Variants in FAIM2 observed in about 807,000 individuals in gnomAD.
FAIM2 encodes Fas apoptotic inhibitory molecule 2, also known as protein lifeguard 2.
In FAIM2, 27 loss-of-function variants were observed where a neutral mutation model predicts 47.4. The ratio of observed to expected loss-of-function variants is 0.57; its 90% CI spans 0.42 to 0.78. The LOEUF (loss-of-function observed/expected upper bound fraction) is 0.78. Ranked by LOEUF, FAIM2 falls within the 30% of genes least tolerant of loss-of-function variation. The pLI is 0.00. For missense variants in FAIM2, 311 were observed against 389.4 expected (o/e 0.80, Z 1.69); for synonymous variants, 156 against 159.3 (o/e 0.98, Z 0.16).
At chr12:49,880,533 CGT>C (rs575126224) in intron 11 of FAIM2, among the ~76,000 whole-genome samples, 6 of 97,810 alleles carry the variant, frequency 6.1e-5, no homozygotes, top group East Asian at 3.2e-4. Flanking sequence ...TGTATATGTG[CGT>C]GTGTATGTAT....
intron 5 of FAIM2, among the ~76,000 whole-genome samples, chr12:49,893,125 C>T (rs1201913469): frequency 6.6e-6 from 1 of 152,214 alleles, no homozygotes; most frequent in Non-Finnish European, 1.5e-5. Context: ...GCCTTCCACC[C>T]TCCATGCTGC....
intron 11 of FAIM2, among the ~76,000 whole-genome samples, chr12:49,872,037 G>A (rs1182991366): frequency 2.0e-5 from 3 of 152,162 alleles, no homozygotes; most frequent in African/African-American, 4.8e-5. Context: ...TGTATGAAAG[G>A]CATGTTCCCT....
rs948697391 is a variant in FAIM2 at position 49,903,842 on chromosome 12, G to A, written c.-50C>T. ...CCCTGAGGCCCGGGTGGCCGCTTGG[G>A]TAACCGCAGCCTGCCTGCGTCTCTT... is the stretch of plus-strand genomic sequence containing the variant. On this transcript the variant is annotated 5_prime_UTR_variant, in exon 1 of 12. Coordinates refer to ENST00000320634, the MANE Select transcript of FAIM2 (RefSeq NM_012306.4). The A allele has an allele frequency of 4.0e-6, 6 of 1,509,492 alleles. No homozygotes were observed. The African/African-American group carries it at 7.0e-5, about 18-fold the overall frequency. The allele number at this position is 1,509,492 out of a possible 1,614,324, so 93.5% of individuals were successfully genotyped here.
At chr12:49,902,385 C>T (rs1946987318) in intron 1 of FAIM2, 1 of 152,252 alleles carries the variant, frequency 6.6e-6, no homozygotes, top group African/African-American at 2.4e-5. Context: ...CTGAGGAAGA[C>T]TGCGGACTTC....
At chr12:49,900,630 T>G (rs765955656) in intron 2 of FAIM2, among the ~76,000 whole-genome samples, 38 of 151,950 alleles carry the variant, frequency 2.5e-4, no homozygotes, top group Non-Finnish European at 5.0e-4. Context: ...ATTGGTGAGG[T>G]GGATCCCCAG....
intron 11 of FAIM2, 27 bp downstream of exon 11, chr12:49,887,359 G>A (rs1295360382): frequency 1.3e-6 from 2 of 1,598,646 alleles, no homozygotes; most frequent in South Asian, 2.2e-5. Flanking sequence ...TGGGAAGGAG[G>A]CTGCCAAGGA....
chr12:49,889,425 C>A, intron 9 of FAIM2, 56 bp downstream of exon 9: 1 of 1,516,850 alleles, frequency 6.6e-7, no homozygotes, highest in South Asian at 1.1e-5. Flanking sequence ...ACCCCATCTG[C>A]CTTCCCCTGC....
At chr12:49,883,810 G>A (rs1186563678) in intron 11 of FAIM2, among the ~76,000 whole-genome samples, 1 of 152,090 alleles carries the variant, frequency 6.6e-6, no homozygotes, top group African/African-American at 2.4e-5. Flanking sequence ...GTGGGAGAGG[G>A]AAGGAACCGT....
chr12:49,881,457 C>A (rs1398901669), intron 11 of FAIM2, among the ~76,000 whole-genome samples: 1 of 152,092 alleles, frequency 6.6e-6, no homozygotes, highest in African/African-American at 2.4e-5. Context: ...GGCTCAGAGA[C>A]CTTAGCTTCC....
Position 49,874,574 on chromosome 12 carries a change from ATG to A in FAIM2, c.802-3923_802-3922del, listed in dbSNP as rs1946723542. On this transcript the variant is annotated intron_variant, in intron 11 of 11. Transcript: ENST00000320634. This position sits in a 1 kb window ranked among gnomAD's most constrained non-coding sequence, Gnocchi z 4.2. ...CCTGCCATATCTGGGGCCCAGGCTT[ATG>A]TCCGTTGTCCTCCCTGAATGTGGCC... Among the ~76,000 whole-genome samples, 5 of 152,126 alleles carry A rather than the reference ATG, an allele frequency of 3.3e-5. No individual in the cohort carries two copies. Among genetic ancestry groups the A allele is most frequent in the Non-Finnish European group, 7.4e-5 (5 of 68,022 alleles).
chr12:49,901,254 TG>T lies in FAIM2; in HGVS notation c.86del (p.Pro29GlnfsTer19). The T allele has an allele frequency of 6.2e-7, 1 of 1,610,674 alleles. No individual in the cohort carries two copies. Among genetic ancestry groups the T allele is most frequent in the Non-Finnish European group, 8.5e-7 (1 of 1,178,656 alleles). ...QQVHGEKKEA[P>X]AVPSAPPSYE... ...AGGAGGGTGGGGCTGAGGGCACTGC[TG>T]GAGCCTCCTTCTTCTCGCCATGCAC... On this transcript the variant is annotated frameshift_variant, in exon 2 of 12. Transcript: ENST00000320634. LOFTEE classifies it high-confidence loss of function.
Position 49,867,293 on chromosome 12 carries a change from T to C in FAIM2, c.*3211A>G, listed in dbSNP as rs1946670030. 6.6e-6 allele frequency: 1 copy of C among 152,256 alleles called. No homozygotes were observed. The highest frequency in any genetic ancestry group is 6.5e-5 in the Admixed American group (1 of 15,292). The allele number at this position is 152,256 out of a possible 1,614,324, so 9.4% of individuals were successfully genotyped here. On this transcript the variant is annotated 3_prime_UTR_variant, in exon 12 of 12. Coordinates refer to ENST00000320634, the MANE Select transcript of FAIM2 (RefSeq NM_012306.4). ...GCCCTGCGTTTCCTCAAGCAGCCAC[T>C]GGAGGGCAGCAAAGTGCTTATGCAA...
chr12:49,889,318 T>C (rs1485143821), intron 9 of FAIM2, 116 bp from the exon 10 acceptor site: 1 of 978,444 alleles, frequency 1.0e-6, no homozygotes, highest in African/African-American at 1.6e-5. Context: ...GAACCTGGCA[T>C]TCCTTCCCCT....
At chr12:49,879,057 C>T (rs1946774688) in intron 11 of FAIM2, among the ~76,000 whole-genome samples, 1 of 120,852 alleles carries the variant, frequency 8.3e-6, no homozygotes, top group Admixed American at 9.3e-5. Flanking sequence ...TGTGTATGTG[C>T]ATGTATGTAT....
At chr12:49,897,955 C>T (rs1946951037) in intron 3 of FAIM2, 32 bp downstream of exon 3, 1 of 1,557,068 alleles carries the variant, frequency 6.4e-7, no homozygotes, top group Non-Finnish European at 8.9e-7. Context: ...CACTGAGGCT[C>T]CCAGTCCCAG....
intron 11 of FAIM2, among the ~76,000 whole-genome samples, chr12:49,885,969 C>T (rs1177549471): frequency 2.0e-5 from 3 of 152,068 alleles, no homozygotes; most frequent in Non-Finnish European, 4.4e-5. Flanking sequence ...ATCCAAAGCC[C>T]CCAAAACCTC....
chr12:49,879,332 A>G (rs199731968), intron 11 of FAIM2, among the ~76,000 whole-genome samples: 43 of 138,228 alleles, frequency 3.1e-4, no homozygotes, highest in African/African-American at 7.7e-4. Context: ...GTGCGTGTGT[A>G]TGTGTTTATG....
chr12:49,875,706 T>C (rs905134449), intron 11 of FAIM2, among the ~76,000 whole-genome samples: 5 of 152,144 alleles, frequency 3.3e-5, no homozygotes, highest in African/African-American at 1.2e-4. Context: ...CCAGGTGCGG[T>C]GGTTCATCCA....
At chr12:49,901,079 G>A (rs1013825501) in intron 2 of FAIM2, 51 bp downstream of exon 2, 1 of 1,434,058 alleles carries the variant, frequency 7.0e-7, no homozygotes, top group African/African-American at 1.5e-5. Flanking sequence ...TTTCCCTCTG[G>A]GTCCACCCCC....
Sources: allele counts gnomAD v4.1 joint callset (sites outside exome capture counted in the v4.1 genomes callset), GRCh38; gene constraint gnomAD v4.1.1; non-coding constraint Gnocchi (gnomAD v3.1); transcripts MANE v1.5; gene names NCBI Gene and HGNC (gene_info 2026-07-23, HGNC 2026-07-21).